SCAI: variants seen among roughly 807,000 people sequenced by gnomAD.
SCAI encodes protein SCAI.
Under a neutral mutation model 92.2 loss-of-function variants are expected in SCAI, and 24 were observed. That is an observed-to-expected ratio of 0.26 (90% CI 0.19 to 0.37). The LOEUF is 0.37. SCAI is among the 10% of genes least tolerant of loss of function. The probability of loss-of-function intolerance (pLI) is 1.00; values close to 1 mark genes in which losing one functional copy is unlikely to be tolerated. For synonymous variants in SCAI, 261 were observed against 258.6 expected (o/e 1.01, Z -0.09); for missense variants, 450 against 736.2 (o/e 0.61, Z 4.50).
At chr9:125,127,128 C>G (rs147241867) in intron 2 of SCAI, among the ~76,000 whole-genome samples, 1 of 152,242 alleles carries the variant, frequency 6.6e-6, no homozygotes, top group Non-Finnish European at 1.5e-5. Context: ...TAGCAGTGCC[C>G]AAGTCCTCAG....
At chr9:124,978,385 G>A (rs1831805968) in intron 14 of SCAI, among the ~76,000 whole-genome samples, 1 of 152,188 alleles carries the variant, frequency 6.6e-6, no homozygotes, top group African/African-American at 2.4e-5. Flanking sequence ...AGGCTGCAGG[G>A]AGCCAAGATC....
chr9:125,079,580 CT>C (rs1263781144), intron 2 of SCAI, among the ~76,000 whole-genome samples: 1 of 151,544 alleles, frequency 6.6e-6, no homozygotes, highest in Non-Finnish European at 1.5e-5. Context: ...ATAAAAATGC[CT>C]GGTTTTTTTT....
At chr9:124,962,499 T>C (rs1043149888) in intron 17 of SCAI, among the ~76,000 whole-genome samples, 18 of 152,094 alleles carry the variant, frequency 1.2e-4, no homozygotes, top group South Asian at 1.0e-3. Context: ...CCTACATAAA[T>C]GCTACATTTT....
chr9:125,127,280 G>A (rs770870996), intron 2 of SCAI, among the ~76,000 whole-genome samples: 56 of 152,100 alleles, frequency 3.7e-4, no homozygotes, highest in Non-Finnish European at 7.3e-4. Flanking sequence ...CCCTTCTCCT[G>A]GTACCTCAAA....
intron 2 of SCAI, among the ~76,000 whole-genome samples, chr9:125,121,296 T>A (rs1264423804): frequency 6.8e-6 from 1 of 147,450 alleles, no homozygotes; most frequent in South Asian, 2.2e-4. Context: ...ACATACGAGA[T>A]GCTGGAAAAA....
At chr9:125,115,702 AAT>A (rs1205878031) in intron 2 of SCAI, among the ~76,000 whole-genome samples, 19 of 152,240 alleles carry the variant, frequency 1.2e-4, no homozygotes, top group Admixed American at 4.6e-4. Flanking sequence ...TCACTTAAAT[AAT>A]ATAGTTATAT....
intron 14 of SCAI, among the ~76,000 whole-genome samples, chr9:124,979,043 T>C (rs1390671106): frequency 5.3e-5 from 8 of 151,768 alleles, no homozygotes; most frequent in Admixed American, 4.6e-4. Flanking sequence ...GTGTTTTTAG[T>C]AGAGACGGGG....
intron 12 of SCAI, among the ~76,000 whole-genome samples, chr9:125,000,246 A>G (rs1832328028): frequency 1.3e-5 from 2 of 152,112 alleles, no homozygotes; most frequent in African/African-American, 4.8e-5. Context: ...ACAAAACAAG[A>G]CTCTATGGCA....
chr9:125,077,268 T>G (rs1834109168), intron 2 of SCAI, among the ~76,000 whole-genome samples: 1 of 152,250 alleles, frequency 6.6e-6, no homozygotes, highest in Non-Finnish European at 1.5e-5. Context: ...AAATTACTTT[T>G]TCTTTAAGCA....
chr9:125,098,125 G>C (rs1175999229), intron 2 of SCAI, among the ~76,000 whole-genome samples: 1 of 151,914 alleles, frequency 6.6e-6, no homozygotes, highest in African/African-American at 2.4e-5. Context: ...CACAATCATA[G>C]CTCACTGCAA....
At chr9:125,143,249 A>C in intron 1 of SCAI, 136 bp downstream of exon 1, 2 of 448,438 alleles carry the variant, frequency 4.5e-6, no homozygotes, top group Non-Finnish European at 6.9e-6. Context: ...GGCGCCCCCA[A>C]GGTCCCCCCA....
chr9:125,082,525 T>A (rs1473800409), intron 2 of SCAI, among the ~76,000 whole-genome samples: 1 of 152,180 alleles, frequency 6.6e-6, no homozygotes, highest in African/African-American at 2.4e-5. Context: ...GAATGGTAGA[T>A]ACACTGACAG....
intron 3 of SCAI, among the ~76,000 whole-genome samples, chr9:125,052,726 C>T (rs1337341747): frequency 2.6e-5 from 4 of 151,896 alleles, no homozygotes; most frequent in Admixed American, 6.6e-5. Context: ...AATATATAAA[C>T]AATTATAAAT....
chr9:124,978,342 G>A (rs1381001275), intron 14 of SCAI, among the ~76,000 whole-genome samples: 1 of 152,202 alleles, frequency 6.6e-6, no homozygotes, highest in Admixed American at 6.5e-5. Flanking sequence ...TCAGGAAGCT[G>A]AGGCAGGAGA....
chr9:124,979,619 C>G (rs1184077115), intron 14 of SCAI, among the ~76,000 whole-genome samples: 1 of 152,074 alleles, frequency 6.6e-6, no homozygotes, highest in East Asian at 1.9e-4. Context: ...GGATAAGAAA[C>G]AGGTAACAGT....
At chr9:125,107,511 ATCCTAGCTAT>A (rs1834826376) in intron 2 of SCAI, among the ~76,000 whole-genome samples, 1 of 152,218 alleles carries the variant, frequency 6.6e-6, no homozygotes, top group Non-Finnish European at 1.5e-5. Flanking sequence ...CATGCTTGTA[ATCCTAGCTAT>A]TCAGGAGGCT....
intron 2 of SCAI, among the ~76,000 whole-genome samples, chr9:125,130,674 C>T (rs531252042): frequency 3.3e-5 from 5 of 151,580 alleles, no homozygotes; most frequent in Admixed American, 6.6e-5. Context: ...CCACCAATCC[C>T]GGCTAATTTT....
intron 2 of SCAI, among the ~76,000 whole-genome samples, chr9:125,087,970 T>C (rs1422424816): frequency 1.3e-5 from 2 of 152,248 alleles, no homozygotes; most frequent in African/African-American, 4.8e-5. Context: ...GGCCATCAAT[T>C]CATGATTGTT....
rs57977161 is a variant in SCAI at position 125,093,731 on chromosome 9, A to G, written c.99-37724T>C. 9.2e-5 allele frequency among the ~76,000 whole-genome samples: 14 copies of G among 151,932 alleles called. No individual in the cohort carries two copies. The East Asian group carries it at 2.7e-3, about 30-fold the overall frequency. ...CAGGCACACACTGACACGCCTGGCTAATTTTTGTATTTTTACTAGAGACAG... is the reference window on the plus strand; with the variant it reads ...CAGGCACACACTGACACGCCTGGCTGATTTTTGTATTTTTACTAGAGACAG... On this transcript the variant is annotated intron_variant, in intron 2 of 17. Coordinates refer to ENST00000336505, the MANE Select transcript of SCAI (RefSeq NM_001144877.3).
Sources: gnomAD v4.1 joint callset for allele counts (sites outside exome capture counted in the v4.1 genomes callset) on GRCh38, gnomAD v4.1.1 for gene constraint, MANE v1.5 for transcripts, NCBI Gene and HGNC (gene_info 2026-07-23, HGNC 2026-07-21) for gene names.